PCDHGA2: variants seen among roughly 807,000 people sequenced by gnomAD.
PCDHGA2 encodes protocadherin gamma-A2.
PCDHGA2 carries 40 observed loss-of-function variants against 59.2 expected under a neutral mutation model. The ratio of observed to expected loss-of-function variants is 0.68; its 90% confidence interval spans 0.52 to 0.88. PCDHGA2 has a LOEUF of 0.88. Ranked by LOEUF, PCDHGA2 falls within the 40% of genes least tolerant of loss-of-function variation. The pLI, the probability that PCDHGA2 is intolerant of heterozygous loss-of-function variation, is 0.00. For synonymous variants in PCDHGA2, 560 were observed against 526.0 expected (o/e 1.06, Z -0.89); for missense variants, 1,226 against 1,204.0 (o/e 1.02, Z -0.27).
At position 141,490,561 on chromosome 5, in the gene PCDHGA2, A is replaced by C. The variant is rs2099701634; in HGVS notation, c.2425-4246A>C. The stretch of plus-strand genomic sequence containing the variant: ...TTCCCTACACAAACATCTCACCATC[A>C]GGCTCAACATTTCAGATGTCAATGA... On this transcript the variant is annotated intron_variant, in intron 1 of 3. Transcript: ENST00000394576. The surrounding 1 kb of genome is among the most constrained non-coding windows in gnomAD (Gnocchi z 5.4). The C allele has an allele frequency of 1.2e-6, 2 of 1,614,090 alleles. No homozygotes were observed. The highest frequency in any genetic ancestry group is 1.7e-4 in the Middle Eastern group (1 of 6,060).
intron 1 of PCDHGA2, among the ~76,000 whole-genome samples, chr5:141,451,788 A>C (rs531473040): frequency 6.6e-6 from 1 of 152,140 alleles, no homozygotes; most frequent in African/African-American, 2.4e-5. Flanking sequence ...GGCTGAGGCC[A>C]GAGAATTGCT....
In PCDHGA2 at chr5:141,365,219, A is replaced by G. The variant is rs569659080; in HGVS notation, c.2424+23824A>G. 1.4e-5 allele frequency: 22 copies of G among 1,613,962 alleles called. No homozygotes were observed. The Admixed American group carries it at 2.3e-4, about 17-fold the overall frequency. ...TTCGGAGACTTTCCAACTTGATTCC[A>G]ACCTGGGGGAAATCTCAACTCTACA... On this transcript the variant is annotated intron_variant, in intron 1 of 3. Coordinates refer to ENST00000394576, the MANE Select transcript of PCDHGA2 (RefSeq NM_018915.4).
chr5:141,498,273 A>G (rs1595516143), intron 2 of PCDHGA2, among the ~76,000 whole-genome samples: 1 of 152,038 alleles, frequency 6.6e-6, no homozygotes, highest in East Asian at 1.9e-4. Flanking sequence ...TCTTCAGTAA[A>G]CTTGGTTCAA....
chr5:141,357,715 G>A lies in PCDHGA2; in HGVS notation c.2424+16320G>A, dbSNP rs1760708169. On this transcript the variant is annotated intron_variant, in intron 1 of 3. Coordinates refer to ENST00000394576, the MANE Select transcript of PCDHGA2 (RefSeq NM_018915.4). ...TTTTATATGTAATATATCAAATAAA[G>A]TTGCCTCTTTTAATATTTTATTGCT... The A allele has an allele frequency of 2.1e-6, 3 of 1,449,624 alleles. No homozygotes were observed. In the South Asian group the frequency reaches 4.2e-5, roughly 20 times the overall value. 89.8% of individuals were successfully genotyped at this position (1,449,624 alleles called of 1,614,324 possible).
chr5:141,492,501 G>A (rs551410616), intron 1 of PCDHGA2, among the ~76,000 whole-genome samples: 8 of 152,302 alleles, frequency 5.3e-5, no homozygotes, highest in East Asian at 1.9e-4. Flanking sequence ...CGAGGACTCC[G>A]GAGCCTCCTC....
rs1419222918 is a variant in PCDHGA2, at chr5:141,360,532, T to C, written c.2424+19137T>C. ...GGATATAAATGATAATACCCCGCTA[T>C]TCAAACAGACTAAGATTAATTTAAA... On this transcript the variant is annotated intron_variant, in intron 1 of 3. Coordinates refer to ENST00000394576, the MANE Select transcript of PCDHGA2 (RefSeq NM_018915.4). 3 of 1,613,892 alleles carry C rather than the reference T, an allele frequency of 1.9e-6. No individual in the cohort carries two copies. The Admixed American group carries it at 5.0e-5, about 27-fold the overall frequency.
intron 1 of PCDHGA2, chr5:141,404,978 G>C: frequency 6.2e-7 from 1 of 1,613,976 alleles, no homozygotes; most frequent in Non-Finnish European, 8.5e-7. Context: ...GGCTGACCTG[G>C]GCAGTCTTCA....
chr5:141,511,359 T>C lies in PCDHGA2; in HGVS notation c.*186T>C. The stretch of plus-strand genomic sequence containing the variant: ...CACCTACCCCTTCCCCCCCAGGGGG[T>C]TGAATATGCAAAAGCAGTTCCGCTG... On this transcript the variant is annotated 3_prime_UTR_variant, in exon 4 of 4. Coordinates refer to ENST00000394576, the MANE Select transcript of PCDHGA2 (RefSeq NM_018915.4). The C allele has an allele frequency of 2.2e-6, 3 of 1,339,338 alleles. No homozygotes were observed. In the South Asian group the frequency reaches 4.6e-5, roughly 20 times the overall value. The allele number at this position is 1,339,338 out of a possible 1,614,324, so 83.0% of individuals were successfully genotyped here. A position where few individuals can be genotyped will look rare whatever the true frequency, so the allele number is the denominator to read the frequency against.
At position 141,340,402 on chromosome 5, in the gene PCDHGA2, T is replaced by C; in HGVS notation, c.1431T>C (p.His477=). 6.2e-7 allele frequency: 1 copy of C among 1,614,156 alleles called. No individual in the cohort carries two copies. The highest frequency in any genetic ancestry group is 8.5e-7 in the Non-Finnish European group (1 of 1,180,012). The change falls in exon 1 of 4, where the codon CAT becomes CAC. Residue 477 remains histidine (H), a synonymous_variant. Transcript: ENST00000394576. ...RGASVFSVTA[H]DPDSNDNAHV... is the part of the protein sequence containing the mutation. Reference sequence around the variant, plus strand: ...CCTCTGTCTTCTCAGTGACGGCCCATGACCCCGACAGCAACGACAATGCTC... The same window carrying C: ...CCTCTGTCTTCTCAGTGACGGCCCACGACCCCGACAGCAACGACAATGCTC...
Position 141,485,778 on chromosome 5 carries a change from G to C in PCDHGA2, c.2425-9029G>C. 1 of 1,614,216 alleles carries C rather than the reference G, an allele frequency of 6.2e-7. No homozygotes were observed. Among genetic ancestry groups the C allele is most frequent in the Non-Finnish European group, 8.5e-7 (1 of 1,180,048 alleles). On this transcript the variant is annotated intron_variant, in intron 1 of 3. Transcript: ENST00000394576. The surrounding 1 kb of genome is among the most constrained non-coding windows in gnomAD (Gnocchi z 5.7). ...CTGCTCCTGGAGAAGCCTTTGGATCGAGAGAAGCAATCGGACTACCGCCTG... is the reference window on the plus strand; with the variant it reads ...CTGCTCCTGGAGAAGCCTTTGGATCCAGAGAAGCAATCGGACTACCGCCTG...
At chr5:141,347,056 TTCCTTCCTTCCTTCCTCTCTCTCTTTCC>T (rs1561493149) in intron 1 of PCDHGA2, among the ~76,000 whole-genome samples, 163 of 135,468 alleles carry the variant, frequency 1.2e-3, no homozygotes, top group South Asian at 1.1e-3. Flanking sequence ...TCTTTCCTCC[TTCCTTCCTTCCTTCCTCTCTCTCTTTCC>T]TCCTTCCTTC....
chr5:141,490,009 A>T lies in PCDHGA2; in HGVS notation c.2425-4798A>T. Reference sequence around the variant, plus strand: ...TGTGGGAATCCCAGAGAATGCACCCATTGGTACTCTGCTGCTCCGCCTCAA... The same window carrying T: ...TGTGGGAATCCCAGAGAATGCACCCTTTGGTACTCTGCTGCTCCGCCTCAA... On this transcript the variant is annotated intron_variant, in intron 1 of 3. Transcript: ENST00000394576. The surrounding 1 kb of genome is among the most constrained non-coding windows in gnomAD (Gnocchi z 5.4). 5 of 1,614,214 alleles carry T rather than the reference A, an allele frequency of 3.1e-6. No individual in the cohort carries two copies. The highest frequency in any genetic ancestry group is 4.2e-6 in the Non-Finnish European group (5 of 1,180,032).
At chr5:141,447,768 T>C (rs1392134454) in intron 1 of PCDHGA2, among the ~76,000 whole-genome samples, 1 of 152,212 alleles carries the variant, frequency 6.6e-6, no homozygotes, top group East Asian at 1.9e-4. Context: ...ATATAAATTA[T>C]ACTTTAATTG....
chr5:141,496,943 T>C (rs1023861484), intron 2 of PCDHGA2, among the ~76,000 whole-genome samples: 2 of 151,258 alleles, frequency 1.3e-5, no homozygotes, highest in African/African-American at 2.4e-5. Flanking sequence ...CCCAGCACTT[T>C]GGGAGGCCAA....
In PCDHGA2 at chr5:141,486,581, C is replaced by T; in HGVS notation, c.2425-8226C>T. 1 of 1,613,764 alleles carries T rather than the reference C, an allele frequency of 6.2e-7. No individual in the cohort carries two copies. The highest frequency in any genetic ancestry group is 1.1e-5 in the South Asian group (1 of 91,082). On this transcript the variant is annotated intron_variant, in intron 1 of 3. Coordinates refer to ENST00000394576, the MANE Select transcript of PCDHGA2 (RefSeq NM_018915.4). This position sits in a 1 kb window ranked among gnomAD's most constrained non-coding sequence, Gnocchi z 5.0. ...GGTGTTTGTTCCTGAGAACAATCGC[C>T]CAGGGGACCTGCTTTGCTCCCTTGC... is the stretch of plus-strand genomic sequence containing the variant.
chr5:141,393,465 G>T, intron 1 of PCDHGA2: 1 of 1,614,048 alleles, frequency 6.2e-7, no homozygotes, highest in Non-Finnish European at 8.5e-7. Context: ...CTCGGATGGC[G>T]GCAAGCCGCC....
chr5:141,466,612 C>T (rs141916895), intron 1 of PCDHGA2, among the ~76,000 whole-genome samples: 1 of 152,262 alleles, frequency 6.6e-6, no homozygotes, highest in East Asian at 1.9e-4. Flanking sequence ...TTGTAAACTG[C>T]CGTTTTCTTT....
At chr5:141,371,243 T>C in intron 1 of PCDHGA2, 1 of 1,614,002 alleles carries the variant, frequency 6.2e-7, no homozygotes. Flanking sequence ...CCTTCATCAA[T>C]ATTGGCAAGG....
In PCDHGA2 at chr5:141,403,920, A is replaced by T. The variant is rs1470961343; in HGVS notation, c.2424+62525A>T. 8.1e-6 allele frequency: 13 copies of T among 1,613,904 alleles called. No homozygotes were observed. Among genetic ancestry groups the T allele is most frequent in the Non-Finnish European group, 1.1e-5 (13 of 1,179,882 alleles). On this transcript the variant is annotated intron_variant, in intron 1 of 3. Transcript: ENST00000394576. ...TATGAAATGGAAATACAAGCTGAAG[A>T]TGGTGGGGGATTGAAAGGGTGGACA...
Sources: gnomAD v4.1 joint callset for allele counts (sites outside exome capture counted in the v4.1 genomes callset) on GRCh38, gnomAD v4.1.1 for gene constraint, Gnocchi (gnomAD v3.1) non-coding constraint, MANE v1.5 for transcripts, NCBI Gene and HGNC (gene_info 2026-07-23, HGNC 2026-07-21) for gene names.